The following PGCKA1 variants were observed in gnomAD, a reference collection of about 807,000 sequenced individuals.
PGCKA1 encodes the protein PDCD10 and GCKIII kinases associated 1.
chr4:37,470,249 C>A, the PGCKA1 span, among the ~76,000 whole-genome samples: 1 of 152,090 alleles, frequency 6.6e-6, no homozygotes, highest in East Asian at 1.9e-4. Context: ...AGAAAAAAAT[C>A]AATTACCTCA....
the PGCKA1 span, among the ~76,000 whole-genome samples, chr4:37,543,538 A>G: frequency 6.6e-6 from 1 of 152,012 alleles, no homozygotes; most frequent in Non-Finnish European, 1.5e-5. Flanking sequence ...TGTTCATTTC[A>G]TCTCTTGAAA....
chr4:37,548,499 TC>T, the PGCKA1 span, among the ~76,000 whole-genome samples: 1 of 152,138 alleles, frequency 6.6e-6, no homozygotes, highest in East Asian at 1.9e-4. Flanking sequence ...AACAGGTTTT[TC>T]TTAAAGCATC....
At chr4:37,535,216 G>A in the PGCKA1 span, among the ~76,000 whole-genome samples, 3 of 152,134 alleles carry the variant, frequency 2.0e-5, no homozygotes, top group Non-Finnish European at 2.9e-5. Context: ...GTGTGACAGC[G>A]TGACGTGTTT....
At chr4:37,524,912 GA>G in the PGCKA1 span, among the ~76,000 whole-genome samples, 1 of 152,168 alleles carries the variant, frequency 6.6e-6, no homozygotes, top group Non-Finnish European at 1.5e-5. Context: ...CTGGGTACTA[GA>G]AAAGGGAAGG....
chr4:37,512,088 T>A, the PGCKA1 span, among the ~76,000 whole-genome samples: 521 of 152,298 alleles, frequency 3.4e-3, 7 homozygotes, highest in African/African-American at 0.012. Context: ...TGGTACCATG[T>A]GGCCACTGCT....
chr4:37,544,751 G>T, the PGCKA1 span, among the ~76,000 whole-genome samples: 1 of 151,054 alleles, frequency 6.6e-6, no homozygotes, highest in Non-Finnish European at 1.5e-5. Flanking sequence ...TTGGGGGTTG[G>T]TTTTTTGTTT....
At chr4:37,518,622 G>A in the PGCKA1 span, among the ~76,000 whole-genome samples, 1 of 152,084 alleles carries the variant, frequency 6.6e-6, no homozygotes, top group Non-Finnish European at 1.5e-5. Context: ...CAGATTATTA[G>A]ATTTTTTCCT....
the PGCKA1 span, chr4:37,588,973 G>A: frequency 9.2e-5 from 98 of 1,070,356 alleles, no homozygotes; most frequent in Middle Eastern, 6.0e-4. Flanking sequence ...AAGACCATGC[G>A]TGTATTCAGT....
the PGCKA1 span, among the ~76,000 whole-genome samples, chr4:37,524,989 G>A: frequency 6.6e-6 from 1 of 152,156 alleles, no homozygotes; most frequent in Admixed American, 6.5e-5. Flanking sequence ...GATTTAAGAT[G>A]GAGTTATTTT....
the PGCKA1 span, among the ~76,000 whole-genome samples, chr4:37,478,620 A>C: frequency 6.6e-6 from 1 of 152,202 alleles, no homozygotes; most frequent in Non-Finnish European, 1.5e-5. Flanking sequence ...GGAAATGCTT[A>C]TTTACAATGT....
At chr4:37,557,808 T>G in the PGCKA1 span, among the ~76,000 whole-genome samples, 1 of 152,190 alleles carries the variant, frequency 6.6e-6, no homozygotes, top group South Asian at 2.1e-4. Flanking sequence ...AACTGTGAGT[T>G]GATTGCTGAG....
chr4:37,561,208 C>T, the PGCKA1 span, among the ~76,000 whole-genome samples: 3 of 152,118 alleles, frequency 2.0e-5, no homozygotes, highest in African/African-American at 7.3e-5. Flanking sequence ...AGCCCAATTC[C>T]CTCCTTCCTC....
At chr4:37,526,248 A>G in the PGCKA1 span, among the ~76,000 whole-genome samples, 1 of 152,212 alleles carries the variant, frequency 6.6e-6, no homozygotes, top group Non-Finnish European at 1.5e-5. Context: ...TCTTGGAAAG[A>G]GAGAGTTATA....
At chr4:37,496,063 T>C in the PGCKA1 span, among the ~76,000 whole-genome samples, 1 of 152,214 alleles carries the variant, frequency 6.6e-6, no homozygotes, top group Non-Finnish European at 1.5e-5. Flanking sequence ...AACCATTCTA[T>C]AGATTGTCTG....
chr4:37,458,145 C>T, the PGCKA1 span, among the ~76,000 whole-genome samples: 1 of 152,110 alleles, frequency 6.6e-6, no homozygotes, highest in Non-Finnish European at 1.5e-5. Flanking sequence ...AACTGAGTCT[C>T]AAAGAGGTTA....
the PGCKA1 span, among the ~76,000 whole-genome samples, chr4:37,470,391 A>G: frequency 6.6e-6 from 1 of 151,678 alleles, no homozygotes; most frequent in Non-Finnish European, 1.5e-5. Context: ...AAGATATTTT[A>G]TAATTGTCCT....
At chr4:37,547,737 T>C in the PGCKA1 span, among the ~76,000 whole-genome samples, 20 of 152,244 alleles carry the variant, frequency 1.3e-4, no homozygotes, top group East Asian at 2.7e-3. Flanking sequence ...GCAGCATAAG[T>C]GGCTGGCAGA....
At chr4:37,582,820 G>C in the PGCKA1 span, among the ~76,000 whole-genome samples, 11 of 149,920 alleles carry the variant, frequency 7.3e-5, no homozygotes, top group African/African-American at 2.8e-4. Flanking sequence ...TTAATCATAT[G>C]GGGGGGAGCT....
the PGCKA1 span, among the ~76,000 whole-genome samples, chr4:37,571,349 A>ATGATCCTTT: frequency 8.3e-6 from 1 of 120,942 alleles, no homozygotes; most frequent in Admixed American, 8.8e-5. Context: ...TATAGAGACT[A>ATGATCCTTT]TTATCCTTTT....
Sources: gnomAD v4.1 joint callset for allele counts (sites outside exome capture counted in the v4.1 genomes callset) on GRCh38, gnomAD v4.1.1 for gene constraint, MANE v1.5 for transcripts, NCBI Gene and HGNC (gene_info 2026-07-23, HGNC 2026-07-21) for gene names.